The following PLAC9 variants were observed in gnomAD, a reference collection of about 807,000 sequenced individuals.
PLAC9 encodes the protein placenta associated 9, also known as placenta-specific protein 9.
PLAC9 carries 12 observed loss-of-function variants against 11.5 expected under a neutral mutation model. The observed-to-expected ratio is 1.05, with a 90% confidence interval of 0.67 to 1.69. The LOEUF is 1.69. Among genes scored for constraint, PLAC9 ranks in the 40% most tolerant of loss-of-function variants. The pLI is 0.00. For missense variants in PLAC9, 132 were observed against 130.5 expected (o/e 1.01, Z -0.06); for synonymous variants, 62 against 58.1 (o/e 1.07, Z -0.31).
At chr10:80,132,898 C>A in intron 1 of PLAC9, 72 bp downstream of exon 1, 1 of 1,307,738 alleles carries the variant, frequency 7.6e-7, no homozygotes. Flanking sequence ...AAGGAATGAG[C>A]GAGAGAGACG....
chr10:80,133,287 G>C (rs1302398357), intron 1 of PLAC9, among the ~76,000 whole-genome samples: 1 of 152,240 alleles, frequency 6.6e-6, no homozygotes, highest in African/African-American at 2.4e-5. Flanking sequence ...GCTGGCAAGA[G>C]AGAAGGAGCC....
chr10:80,135,417 C>T (rs976927850), intron 1 of PLAC9, among the ~76,000 whole-genome samples: 2 of 149,652 alleles, frequency 1.3e-5, no homozygotes, highest in Admixed American at 1.3e-4. Flanking sequence ...CCTCTGCCTC[C>T]TGGGTTCAAG....
At chr10:80,138,675 G>A (rs888792016) in intron 1 of PLAC9, among the ~76,000 whole-genome samples, 1 of 152,166 alleles carries the variant, frequency 6.6e-6, no homozygotes, top group African/African-American at 2.4e-5. Flanking sequence ...ATTTGCAGAT[G>A]GTGTGACCTT....
chr10:80,138,096 C>A (rs1845000007), intron 1 of PLAC9, among the ~76,000 whole-genome samples: 1 of 152,138 alleles, frequency 6.6e-6, no homozygotes, highest in African/African-American at 2.4e-5. Flanking sequence ...TGCTGACAAC[C>A]TCGTCAGACA....
intron 3 of PLAC9, among the ~76,000 whole-genome samples, 193 bp from the exon 4 acceptor site, chr10:80,144,707 T>C (rs894451510): frequency 1.3e-5 from 2 of 152,118 alleles, no homozygotes; most frequent in African/African-American, 4.8e-5. Context: ...CCCAAAACTC[T>C]CGCAGGGAAG....
chr10:80,136,211 C>T (rs1844973472), intron 1 of PLAC9, among the ~76,000 whole-genome samples: 1 of 152,176 alleles, frequency 6.6e-6, no homozygotes, highest in South Asian at 2.1e-4. Flanking sequence ...CACAGGATGC[C>T]CCACCCATGG....
chr10:80,137,207 G>C (rs907589429), intron 1 of PLAC9, among the ~76,000 whole-genome samples: 2 of 152,214 alleles, frequency 1.3e-5, no homozygotes, highest in African/African-American at 4.8e-5. Context: ...GCCATGTTGG[G>C]AGCGACCTCA....
upstream of PLAC9, among the ~76,000 whole-genome samples, chr10:80,132,244 C>T (rs1230005306): frequency 1.3e-5 from 2 of 152,202 alleles, no homozygotes; most frequent in Non-Finnish European, 2.9e-5. Context: ...GGGGCAGACA[C>T]TGTTCCATGT....
intron 1 of PLAC9, among the ~76,000 whole-genome samples, chr10:80,134,450 G>T (rs1171588849): frequency 1.3e-5 from 2 of 152,016 alleles, no homozygotes; most frequent in African/African-American, 4.8e-5. Context: ...TTTTAGTAGA[G>T]ATAGGGTTTC....
intron 1 of PLAC9, among the ~76,000 whole-genome samples, chr10:80,135,059 T>G (rs71481552): frequency 2.4e-4 from 37 of 151,704 alleles, no homozygotes; most frequent in Non-Finnish European, 4.1e-4. Flanking sequence ...TCGCTCTGTC[T>G]CCCAGGCTGG....
Position 80,132,860 on chromosome 10 carries a change from G to C in PLAC9, c.64+34G>C, listed in dbSNP as rs752226916. Reference sequence around the variant, plus strand: ...GGCGCAGGGCGCGGCAGGGGACCTGGAGCCGGGGAGACCCGCAGATGGCGA... The same window carrying C: ...GGCGCAGGGCGCGGCAGGGGACCTGCAGCCGGGGAGACCCGCAGATGGCGA... On this transcript the variant is annotated intron_variant, in intron 1 of 3. Coordinates refer to ENST00000372263, the MANE Select transcript of PLAC9 (RefSeq NM_001012973.3). 6.9e-6 allele frequency: 10 copies of C among 1,459,292 alleles called. No individual in the cohort carries two copies. In the South Asian group the frequency reaches 1.1e-4, roughly 16 times the overall value. 90.4% of individuals were successfully genotyped at this position (1,459,292 alleles called of 1,614,324 possible).
chr10:80,133,489 C>A (rs1392333224), intron 1 of PLAC9, among the ~76,000 whole-genome samples: 1 of 152,212 alleles, frequency 6.6e-6, no homozygotes, highest in Admixed American at 6.5e-5. Context: ...AGGAGAAAGG[C>A]CACCGATTCA....
intron 1 of PLAC9, among the ~76,000 whole-genome samples, chr10:80,135,313 C>T (rs953007108): frequency 8.2e-5 from 11 of 133,506 alleles, no homozygotes; most frequent in Admixed American, 6.6e-4. Context: ...TGAGCCACTG[C>T]GCCCGGCCTT....
chr10:80,136,672 A>G (rs1338677797), intron 1 of PLAC9, among the ~76,000 whole-genome samples: 1 of 149,842 alleles, frequency 6.7e-6, no homozygotes, highest in African/African-American at 2.5e-5. Flanking sequence ...TTATTTATTT[A>G]TTTATTTATT....
intron 1 of PLAC9, among the ~76,000 whole-genome samples, chr10:80,140,074 C>T (rs1564589556): frequency 6.6e-6 from 1 of 152,196 alleles, no homozygotes; most frequent in Admixed American, 6.5e-5. Context: ...CCCATTTTTG[C>T]TGCATTCCCT....
intron 1 of PLAC9, among the ~76,000 whole-genome samples, chr10:80,141,210 T>C (rs1845036844): frequency 6.6e-6 from 1 of 152,188 alleles, no homozygotes; most frequent in Admixed American, 6.5e-5. Context: ...TTATCCTGAT[T>C]GCTGCAGTAA....
In PLAC9 at chr10:80,144,217, C is replaced by T; in HGVS notation, c.163-6C>T. 1 of 1,614,158 alleles carries T rather than the reference C, an allele frequency of 6.2e-7. No homozygotes were observed. The highest frequency in any genetic ancestry group is 8.5e-7 in the Non-Finnish European group (1 of 1,180,024). Reference sequence around the variant, plus strand: ...GTCCTCGACTTTACCCCACTTCCCACTCTAGATGGTAGAGAAGACCGTGGA... The same window carrying T: ...GTCCTCGACTTTACCCCACTTCCCATTCTAGATGGTAGAGAAGACCGTGGA... On this transcript the variant is annotated splice_polypyrimidine_tract_variant and splice_region_variant and intron_variant, in intron 2 of 3. Coordinates refer to ENST00000372263, the MANE Select transcript of PLAC9 (RefSeq NM_001012973.3).
At chr10:80,132,679 G>C, upstream of PLAC9, 1 of 1,175,876 alleles carries the variant, frequency 8.5e-7, no homozygotes, top group Non-Finnish European at 1.1e-6. Context: ...CGAACTGAGT[G>C]CATTTCCTCT....
At chr10:80,144,465 G>T in intron 3 of PLAC9, 122 bp downstream of exon 3, 2 of 1,316,470 alleles carry the variant, frequency 1.5e-6, no homozygotes, top group East Asian at 2.6e-5. Context: ...GGGCCCCAGC[G>T]CTCCCTGGGG....
Sources: allele counts gnomAD v4.1 joint callset (sites outside exome capture counted in the v4.1 genomes callset), GRCh38; gene constraint gnomAD v4.1.1; transcripts MANE v1.5; gene names NCBI Gene and HGNC (gene_info 2026-07-23, HGNC 2026-07-21).